Variants in ZFAT observed in about 807,000 individuals in gnomAD.
ZFAT encodes the protein zinc finger and AT-hook domain containing, also known as zinc finger protein ZFAT.
In ZFAT, 64 loss-of-function variants were observed where a neutral mutation model predicts 117.7. The observed-to-expected ratio is 0.54, with a 90% CI of 0.44 to 0.67. ZFAT has a LOEUF of 0.67. Among genes scored for constraint, ZFAT ranks in the 30% least tolerant of loss-of-function variants. The pLI is 0.00. For missense variants in ZFAT, 1,433 were observed against 1,584.5 expected, an observed-to-expected ratio of 0.90 and a Z score of 1.62; for synonymous variants, 679 against 615.0, an observed-to-expected ratio of 1.10 and a Z score of -1.54.
At chr8:134,647,973 T>A (rs576737486) in intron 2 of ZFAT, among the ~76,000 whole-genome samples, 4 of 152,250 alleles carry the variant, frequency 2.6e-5, no homozygotes, top group African/African-American at 7.2e-5. Flanking sequence ...TAAAGCATGA[T>A]GACTATAACT....
chr8:134,783,869 A>G, the ZFAT span: 10 of 152,246 alleles, frequency 6.6e-5, no homozygotes, highest in Admixed American at 6.5e-4. Flanking sequence ...CATTTATGAA[A>G]TATTATCAAC....
At chr8:134,499,802 A>G (rs370907780) in intron 15 of ZFAT, among the ~76,000 whole-genome samples, 37 of 152,226 alleles carry the variant, frequency 2.4e-4, no homozygotes, top group East Asian at 1.5e-3. Flanking sequence ...CCAGAGGGAC[A>G]TTTGAGGCCC....
the ZFAT span, among the ~76,000 whole-genome samples, chr8:134,764,540 A>G: frequency 3.3e-4 from 50 of 152,256 alleles, no homozygotes; most frequent in Non-Finnish European, 6.0e-4. Context: ...AATAAATTAG[A>G]TAAACGTGTA....
chr8:134,669,343 A>C (rs1434587519), intron 1 of ZFAT, among the ~76,000 whole-genome samples: 1 of 152,220 alleles, frequency 6.6e-6, no homozygotes, highest in African/African-American at 2.4e-5. Context: ...TGTTAAGGGC[A>C]CCCAGACAGA....
In ZFAT at chr8:134,600,474, ATT is replaced by A; in HGVS notation, c.2435_2436del (p.Lys812IlefsTer2). On this transcript the variant is annotated frameshift_variant, in exon 7 of 16. Transcript: ENST00000377838. LOFTEE classifies it high-confidence loss of function. ...TDGCDYSTPD[K>X]YKLQAHLKVH... The stretch of plus-strand genomic sequence containing the variant: ...ACTTTAAGATGTGCCTGTAGCTTAT[ATT>A]TATCTGGAGTTGAGTAGTCACAGCC... 1 of 1,614,230 alleles carries A rather than the reference ATT, an allele frequency of 6.2e-7. No individual in the cohort carries two copies. Among genetic ancestry groups the A allele is most frequent in the Non-Finnish European group, 8.5e-7 (1 of 1,180,046 alleles).
chr8:134,657,083 G>A (rs762837175), intron 2 of ZFAT, among the ~76,000 whole-genome samples: 8 of 152,208 alleles, frequency 5.3e-5, no homozygotes, highest in Admixed American at 2.6e-4. Context: ...AATCATGTAC[G>A]TTAGAACAAC....
chr8:134,660,187 G>A (rs753394269), intron 1 of ZFAT, among the ~76,000 whole-genome samples: 7 of 152,130 alleles, frequency 4.6e-5, no homozygotes, highest in African/African-American at 1.4e-4. Flanking sequence ...CAGTCCAAAG[G>A]TAGGAAACTG....
At chr8:134,723,138 T>A in the ZFAT span, 1 of 152,084 alleles carries the variant, frequency 6.6e-6, no homozygotes, top group Non-Finnish European at 1.5e-5. Flanking sequence ...CACAGAAAAA[T>A]AGTACACAGG....
the ZFAT span, among the ~76,000 whole-genome samples, chr8:134,825,721 C>T: frequency 6.6e-6 from 1 of 152,160 alleles, no homozygotes; most frequent in African/African-American, 2.4e-5. Flanking sequence ...TACAGGCATA[C>T]TTAAGAAATG....
chr8:134,790,475 T>C, the ZFAT span, among the ~76,000 whole-genome samples: 1 of 151,964 alleles, frequency 6.6e-6, no homozygotes, highest in Non-Finnish European at 1.5e-5. Context: ...CGTTAGGGGG[T>C]AATTTGGCAG....
chr8:134,488,475 G>A (rs982468041), intron 15 of ZFAT, among the ~76,000 whole-genome samples: 12 of 152,200 alleles, frequency 7.9e-5, no homozygotes, highest in Admixed American at 3.9e-4. Flanking sequence ...TTTAGACACC[G>A]CTAAGAGATG....
At chr8:134,618,445 A>G (rs115984635) in intron 3 of ZFAT, among the ~76,000 whole-genome samples, 3,154 of 152,062 alleles carry the variant, frequency 0.021, 114 homozygotes, top group African/African-American at 0.072. Context: ...GTGCATTTTT[A>G]TTTGAAAAAG....
intron 11 of ZFAT, among the ~76,000 whole-genome samples, chr8:134,550,308 C>CA (rs1198129437): frequency 9.4e-5 from 3 of 31,876 alleles, no homozygotes; most frequent in African/African-American, 4.1e-4. Context: ...TTGGTCACAA[C>CA]GGAAAAAAAA....
intron 11 of ZFAT, among the ~76,000 whole-genome samples, chr8:134,541,076 G>A (rs139987950): frequency 3.3e-5 from 5 of 152,258 alleles, no homozygotes; most frequent in Non-Finnish European, 7.3e-5. Context: ...CTCTGTCAGC[G>A]CTTCCTCACT....
At chr8:134,583,295 T>C (rs1053120006) in intron 10 of ZFAT, among the ~76,000 whole-genome samples, 1 of 152,238 alleles carries the variant, frequency 6.6e-6, no homozygotes, top group Non-Finnish European at 1.5e-5. Flanking sequence ...CTAGCACATA[T>C]AAGAACTCAA....
In ZFAT at chr8:134,538,293, C is replaced by T. The variant is rs559369628; in HGVS notation, c.2977-5321G>A. Reference sequence around the variant, plus strand: ...GGTAGGAGAGGATAATGAAGCTGAGCGCTCTAAATCCAACAGGAAGGGGCC... The same window carrying T: ...GGTAGGAGAGGATAATGAAGCTGAGTGCTCTAAATCCAACAGGAAGGGGCC... On this transcript the variant is annotated intron_variant, in intron 11 of 15. Transcript: ENST00000377838. Among the ~76,000 whole-genome samples, 132 of 152,098 alleles carry T rather than the reference C, an allele frequency of 8.7e-4. 1 individual carries two copies. The highest frequency in any genetic ancestry group is 1.6e-3 in the Non-Finnish European group (106 of 67,990).
intron 13 of ZFAT, 89 bp from the exon 14 acceptor site, chr8:134,512,690 G>T (rs3739428): frequency 1.2e-5 from 18 of 1,490,486 alleles, no homozygotes; most frequent in Middle Eastern, 2.5e-4. Flanking sequence ...TAGAACAAAC[G>T]CATATAAGAA....
intron 2 of ZFAT, among the ~76,000 whole-genome samples, 192 bp from the exon 3 acceptor site, chr8:134,637,904 G>A (rs1230393170): frequency 6.6e-6 from 1 of 152,174 alleles, no homozygotes; most frequent in Admixed American, 6.5e-5. Flanking sequence ...GTGTACTAAT[G>A]GGTAATCAAT....
chr8:134,623,015 G>A (rs1829239742), intron 3 of ZFAT, among the ~76,000 whole-genome samples: 1 of 152,036 alleles, frequency 6.6e-6, no homozygotes, highest in South Asian at 2.1e-4. Flanking sequence ...TCACACATTT[G>A]AGCATGCCAC....
Sources: allele counts gnomAD v4.1 joint callset (sites outside exome capture counted in the v4.1 genomes callset), GRCh38; gene constraint gnomAD v4.1.1; transcripts MANE v1.5; gene names NCBI Gene and HGNC (gene_info 2026-07-23, HGNC 2026-07-21).